Variants in SLC37A3 observed in about 807,000 individuals in gnomAD.
SLC37A3 encodes sugar phosphate exchanger 3.
Under a neutral mutation model 67.1 loss-of-function variants are expected in SLC37A3, and 51 were observed. The observed-to-expected ratio is 0.76, with a 90% CI of 0.61 to 0.96. The LOEUF (loss-of-function observed/expected upper bound fraction) is 0.96, where lower values mean the gene tolerates loss of function less well. Among genes scored for constraint, SLC37A3 ranks in the 40% least tolerant of loss-of-function variants. The pLI is 0.00. For synonymous variants in SLC37A3, 214 were observed against 231.4 expected, an observed-to-expected ratio of 0.92 and a Z score of 0.68; for missense variants, 508 against 603.0, an observed-to-expected ratio of 0.84 and a Z score of 1.65.
intron 1 of SLC37A3, among the ~76,000 whole-genome samples, chr7:140,394,787 T>G (rs543721657): frequency 1.4e-4 from 21 of 151,370 alleles, no homozygotes; most frequent in African/African-American, 4.8e-4. Flanking sequence ...TTTTGTATTT[T>G]TAGTAGAGAC....
At chr7:140,338,338 G>C (rs900843469) in intron 13 of SLC37A3, among the ~76,000 whole-genome samples, 7 of 152,122 alleles carry the variant, frequency 4.6e-5, no homozygotes, top group Non-Finnish European at 8.8e-5. Flanking sequence ...CCCAGCCCTT[G>C]CTAACCTCTT....
chr7:140,339,006 C>T (rs1375975739), intron 13 of SLC37A3, among the ~76,000 whole-genome samples: 1 of 151,878 alleles, frequency 6.6e-6, no homozygotes, highest in African/African-American at 2.4e-5. Flanking sequence ...ATCCACCCAC[C>T]TCAGCCTCCC....
In SLC37A3 at chr7:140,348,689, A is replaced by G; in HGVS notation, c.961T>C (p.Phe321Leu). 6.2e-7 allele frequency: 1 copy of G among 1,614,172 alleles called. No individual in the cohort carries two copies. The highest frequency in any genetic ancestry group is 8.5e-7 in the Non-Finnish European group (1 of 1,180,032). ...FWLPFYLSNN[F>L]GWKEAEADKL... ...TCGGCTTCCGCCTCCTTCCAGCCGA[A>G]GTTGTTACTCAGATAAAAGGGGAGC... Residue 321 changes from phenylalanine (F) to leucine (L), a missense_variant, in exon 10 of 15, where the codon TTC (phenylalanine) becomes CTC (leucine). By Grantham distance (22) the Phe-to-Leu change is conservative (BLOSUM62 0). Coordinates refer to ENST00000326232, the MANE Select transcript of SLC37A3 (RefSeq NM_207113.3).
intron 14 of SLC37A3, 119 bp from the exon 15 acceptor site, chr7:140,335,623 A>ATGTTTAAT: frequency 8.2e-7 from 1 of 1,218,394 alleles, no homozygotes; most frequent in Non-Finnish European, 1.1e-6. Flanking sequence ...TACAAAGATA[A>ATGTTTAAT]TGTTTAATCT....
Position 140,367,241 on chromosome 7 carries a change from A to G in SLC37A3, c.291+2349T>C, listed in dbSNP as rs867244639. On this transcript the variant is annotated intron_variant, in intron 4 of 14. Transcript: ENST00000326232. ...CAACTGAGGACAGGAGTTTGAGACC[A>G]GCCTGGCCAACACGATGAAACCCCA... is the stretch of plus-strand genomic sequence containing the variant. Among the ~76,000 whole-genome samples the G allele has an allele frequency of 3.2e-4, 49 of 152,290 alleles. 1 individual carries two copies. The highest frequency in any genetic ancestry group is 3.7e-4 in the Non-Finnish European group (25 of 68,032).
At chr7:140,360,191 TA>T (rs1797210051) in intron 5 of SLC37A3, among the ~76,000 whole-genome samples, 1 of 151,942 alleles carries the variant, frequency 6.6e-6, no homozygotes, top group South Asian at 2.1e-4. Flanking sequence ...CTAAAAAATT[TA>T]AAAATTAGCT....
chr7:140,355,951 T>G (rs1463731806), intron 6 of SLC37A3, among the ~76,000 whole-genome samples, 187 bp from the exon 7 acceptor site: 1 of 152,166 alleles, frequency 6.6e-6, no homozygotes, highest in Admixed American at 6.5e-5. Context: ...TCCCAGTACT[T>G]TGGGAGGCCA....
intron 9 of SLC37A3, among the ~76,000 whole-genome samples, chr7:140,349,077 A>G (rs112219586): frequency 6.6e-6 from 1 of 152,200 alleles, no homozygotes; most frequent in African/African-American, 2.4e-5. Flanking sequence ...AGTGTTTTGA[A>G]CCTATAAGGC....
chr7:140,352,578 C>G (rs1261039463), intron 7 of SLC37A3, among the ~76,000 whole-genome samples: 4 of 152,086 alleles, frequency 2.6e-5, no homozygotes, highest in African/African-American at 9.7e-5. Flanking sequence ...CCCAATCCTA[C>G]TGAGAAACAT....
intron 2 of SLC37A3, among the ~76,000 whole-genome samples, chr7:140,381,949 G>C (rs1242880351): frequency 1.3e-5 from 2 of 148,336 alleles, no homozygotes; most frequent in African/African-American, 5.0e-5. Context: ...AGGAGGCGGA[G>C]GTTGCAGTGA....
rs1344672460 is a variant in SLC37A3 at position 140,333,914 on chromosome 7, T to C, written c.*1498A>G. On this transcript the variant is annotated 3_prime_UTR_variant, in exon 15 of 15. Transcript: ENST00000326232. ...GTATAAAGCAAGAGGTTGAAAAATA[T>C]CCCCTAACCGAATGCAAATTAGGTA... The C allele has an allele frequency of 6.6e-6, 1 of 152,590 alleles. No individual in the cohort carries two copies. The highest frequency in any genetic ancestry group is 1.5e-5 in the Non-Finnish European group (1 of 68,040). 9.5% of individuals were successfully genotyped at this position (152,590 alleles called of 1,614,324 possible). A position where few individuals can be genotyped will look rare whatever the true frequency, so the allele number is the denominator to read the frequency against.
Position 140,343,392 on chromosome 7 carries a change from C to A in SLC37A3, c.1326+20G>T. The A allele has an allele frequency of 6.2e-7, 1 of 1,612,610 alleles. No homozygotes were observed. Among genetic ancestry groups the A allele is most frequent in the Non-Finnish European group, 8.5e-7 (1 of 1,179,836 alleles). On this transcript the variant is annotated intron_variant, in intron 13 of 14. Transcript: ENST00000326232. ...TTGAGGGAAGACACTAGAATCCCAGCCCCTCTCCTGTTCTCTCACCTGGCC... is the reference window on the plus strand; with the variant it reads ...TTGAGGGAAGACACTAGAATCCCAGACCCTCTCCTGTTCTCTCACCTGGCC...
intron 3 of SLC37A3, among the ~76,000 whole-genome samples, chr7:140,374,392 G>T (rs1226743056): frequency 1.3e-5 from 2 of 151,704 alleles, no homozygotes; most frequent in Admixed American, 1.3e-4. Context: ...CACTACTCAT[G>T]AGACTGAGAC....
Position 140,398,479 on chromosome 7 carries a change from G to C in SLC37A3, c.-134C>G, listed in dbSNP as rs1009524875. 13 of 152,286 alleles carry C rather than the reference G, an allele frequency of 8.5e-5. No individual in the cohort carries two copies. Among genetic ancestry groups the C allele is most frequent in the African/African-American group, 3.1e-4 (13 of 41,430 alleles). 9.4% of individuals were successfully genotyped at this position (152,286 alleles called of 1,614,324 possible). A position where few individuals can be genotyped will look rare whatever the true frequency, so the allele number is the denominator to read the frequency against. ...CCGCTCGCCGGGTCAGCTTGGCTCC[G>C]CTGCCCGCCTCCCCCGCCGCCAGCT... On this transcript the variant is annotated 5_prime_UTR_variant, in exon 1 of 15. Coordinates refer to ENST00000326232, the MANE Select transcript of SLC37A3 (RefSeq NM_207113.3).
At chr7:140,384,580 G>A (rs973377147) in intron 1 of SLC37A3, among the ~76,000 whole-genome samples, 9 of 151,796 alleles carry the variant, frequency 5.9e-5, no homozygotes, top group Non-Finnish European at 8.8e-5. Flanking sequence ...ACAGCCAAGC[G>A]TGGTGGCTCA....
chr7:140,380,233 T>G (rs1798196431), intron 3 of SLC37A3, 49 bp downstream of exon 3: 5 of 1,132,438 alleles, frequency 4.4e-6, no homozygotes, highest in Middle Eastern at 3.9e-4. Context: ...AATCTAGGGG[T>G]GGGCACGGTC....
At chr7:140,391,292 T>G (rs1409561244) in intron 1 of SLC37A3, among the ~76,000 whole-genome samples, 1 of 152,196 alleles carries the variant, frequency 6.6e-6, no homozygotes, top group African/African-American at 2.4e-5. Context: ...CAGTGGCTCA[T>G]GCCTGTAATC....
chr7:140,343,571 C>A lies in SLC37A3; in HGVS notation c.1175-8G>T. 2 of 1,613,318 alleles carry A rather than the reference C, an allele frequency of 1.2e-6. No homozygotes were observed. Among genetic ancestry groups the A allele is most frequent in the South Asian group, 2.2e-5 (2 of 91,014 alleles). ...GTCCACCAATAAAAAATCCTGAAGT[C>A]ATAAACAGGTTCTTATTAAAACACA... On this transcript the variant is annotated splice_polypyrimidine_tract_variant and splice_region_variant and intron_variant, in intron 12 of 14. Coordinates refer to ENST00000326232, the MANE Select transcript of SLC37A3 (RefSeq NM_207113.3).
chr7:140,348,834 C>A, intron 9 of SLC37A3, 67 bp from the exon 10 acceptor site: 3 of 1,565,734 alleles, frequency 1.9e-6, no homozygotes, highest in East Asian at 2.3e-5. Context: ...TTTTTAATGT[C>A]ATTTAAAAGC....
Sources: gnomAD v4.1 joint callset for allele counts (sites outside exome capture counted in the v4.1 genomes callset) on GRCh38, gnomAD v4.1.1 for gene constraint, MANE v1.5 for transcripts, NCBI Gene and HGNC (gene_info 2026-07-23, HGNC 2026-07-21) for gene names.